Variants in OSGEP observed in about 807,000 individuals in gnomAD.
OSGEP encodes tRNA N6-adenosine threonylcarbamoyltransferase.
Under a neutral mutation model 44.1 loss-of-function variants are expected in OSGEP, and 39 were observed. The observed-to-expected ratio is 0.88, with a 90% CI of 0.69 to 1.16. The LOEUF is 1.16. OSGEP is among the 50% of genes most tolerant of loss of function. OSGEP has a pLI of 0.00. For missense variants in OSGEP, 403 were observed against 443.1 expected (o/e 0.91, Z 0.81); for synonymous variants, 139 against 161.9 (o/e 0.86, Z 1.07).
At position 20,452,416 on chromosome 14, in the gene OSGEP, G is replaced by A. The variant is rs1881127056; in HGVS notation, c.148C>T (p.Arg50Ter). 5.0e-6 allele frequency: 8 copies of A among 1,613,602 alleles called. No individual in the cohort carries two copies. Among genetic ancestry groups the A allele is most frequent in the Non-Finnish European group, 6.8e-6 (8 of 1,179,700 alleles). ...TGCAGCAGGTCTAGGATAACAGCTCGGTGATGCCTGGCTGTATCACCTGGA... is the reference window on the plus strand; with the variant it reads ...TGCAGCAGGTCTAGGATAACAGCTCAGTGATGCCTGGCTGTATCACCTGGA... ...FLPGDTARHH[R>*]AVILDLLQEA... Residue 50 changes from arginine (R) to a stop codon, truncating the protein, a stop_gained, in exon 2 of 11, where the codon CGA becomes TGA. Transcript: ENST00000206542. LOFTEE classifies it high-confidence loss of function.
chr14:20,452,234 G>C (rs1457022396), intron 2 of OSGEP, 85 bp from the exon 3 acceptor site: 1 of 1,583,754 alleles, frequency 6.3e-7, no homozygotes, highest in African/African-American at 1.3e-5. Context: ...GGTGGGGTAG[G>C]GGTAGTGATG....
intron 6 of OSGEP, 56 bp downstream of exon 6, chr14:20,448,677 G>T: frequency 1.7e-6 from 2 of 1,207,726 alleles, no homozygotes; most frequent in Non-Finnish European, 2.5e-6. Flanking sequence ...AAGTAAAACA[G>T]ATATGCTTCA....
Position 20,452,426 on chromosome 14 carries a change from G to A in OSGEP, c.138C>T (p.Ala46=). The A allele has an allele frequency of 6.2e-7, 1 of 1,613,024 alleles. No homozygotes were observed. The highest frequency in any genetic ancestry group is 1.3e-5 in the African/African-American group (1 of 75,004). ...PGTGFLPGDT[A]RHHRAVILDL... is the part of the protein sequence containing the mutation. ...CTAGGATAACAGCTCGGTGATGCCTGGCTGTATCACCTGGAAGGAATCCTA... is the reference window on the plus strand; with the variant it reads ...CTAGGATAACAGCTCGGTGATGCCTAGCTGTATCACCTGGAAGGAATCCTA... The change falls in exon 2 of 11, where the codon GCC becomes GCT. Residue 46 remains alanine, a synonymous_variant. Transcript: ENST00000206542.
Position 20,448,754 on chromosome 14 carries a change from T to C in OSGEP, c.615A>G (p.Ser205=). 2 of 1,612,884 alleles carry C rather than the reference T, an allele frequency of 1.2e-6. No homozygotes were observed. The highest frequency in any genetic ancestry group is 1.7e-6 in the Non-Finnish European group (2 of 1,178,838). Residue 205 remains serine, a synonymous_variant, in exon 6 of 11, where the codon TCA becomes TCG. Coordinates refer to ENST00000206542, the MANE Select transcript of OSGEP (RefSeq NM_017807.4). ...YTVKGMDVSF[S]GILSFIEDVA... ...TCACCTCAATGAAAGACAGGATCCC[T>C]GAGAATGAGACGTCCATCCCCTTTA...
In OSGEP at chr14:20,446,960, A is replaced by G; in HGVS notation, c.*280T>C. 1 of 384,260 alleles carries G rather than the reference A, an allele frequency of 2.6e-6. No individual in the cohort carries two copies. 23.8% of individuals were successfully genotyped at this position (384,260 alleles called of 1,614,324 possible). A position where few individuals can be genotyped will look rare whatever the true frequency, so the allele number is the denominator to read the frequency against. On this transcript the variant is annotated 3_prime_UTR_variant, in exon 11 of 11. Coordinates refer to ENST00000206542, the MANE Select transcript of OSGEP (RefSeq NM_017807.4). ...CCGTTTCTTAAAAAAAAAAAAAAAG[A>G]TACCTCATTCTTGGTTCCACAGCAG...
intron 1 of OSGEP, 108 bp from the exon 2 acceptor site, chr14:20,452,556 A>G: frequency 1.9e-6 from 2 of 1,028,906 alleles, no homozygotes; most frequent in South Asian, 3.0e-5. Context: ...GAGTCCTTTC[A>G]CTTTCCCCAA....
Position 20,454,557 on chromosome 14 carries a change from C to T in OSGEP, c.115+12G>A. On this transcript the variant is annotated intron_variant, in intron 1 of 10. Coordinates refer to ENST00000206542, the MANE Select transcript of OSGEP (RefSeq NM_017807.4). Reference sequence around the variant, plus strand: ...AGTGCGCGGAAAACTCTTAAGTCCCCTACTCACCAACCTGTGCCAGGAGGC... The same window carrying T: ...AGTGCGCGGAAAACTCTTAAGTCCCTTACTCACCAACCTGTGCCAGGAGGC... 6.3e-7 allele frequency: 1 copy of T among 1,590,986 alleles called. No homozygotes were observed. Among genetic ancestry groups the T allele is most frequent in the Non-Finnish European group, 8.6e-7 (1 of 1,158,816 alleles).
In OSGEP at chr14:20,447,958, G is replaced by C; in HGVS notation, c.739C>G (p.Arg247Gly). 1 of 1,613,956 alleles carries C rather than the reference G, an allele frequency of 6.2e-7. No homozygotes were observed. Among genetic ancestry groups the C allele is most frequent in the Non-Finnish European group, 8.5e-7 (1 of 1,179,814 alleles). ...VFAMLVEITERAMAHCGSQEA... is the reference protein window; with the variant it reads ...VFAMLVEITEGAMAHCGSQEA... Reference sequence around the variant, plus strand: ...TGGGAGCCACAATGTGCCATGGCTCGCTCTGTGATCTCTACCAGCATTGCA... The same window carrying C: ...TGGGAGCCACAATGTGCCATGGCTCCCTCTGTGATCTCTACCAGCATTGCA... Residue 247 changes from arginine (R) to glycine (G), a missense_variant, in exon 8 of 11, where the codon CGA (arginine) becomes GGA (glycine). Arg to Gly is a moderately radical substitution (Grantham distance 125). Transcript: ENST00000206542.
intron 6 of OSGEP, 94 bp from the exon 7 acceptor site, chr14:20,448,265 T>C: frequency 1.0e-6 from 1 of 970,822 alleles, no homozygotes; most frequent in South Asian, 1.3e-5. Flanking sequence ...TCATCATGTT[T>C]CACCACAATT....
At chr14:20,447,756 G>T in intron 8 of OSGEP, 66 bp from the exon 9 acceptor site, 2 of 1,354,394 alleles carry the variant, frequency 1.5e-6, no homozygotes, top group Non-Finnish European at 2.1e-6. Flanking sequence ...AGCAGAACAC[G>T]TCATGTGCAC....
At position 20,449,007 on chromosome 14, in the gene OSGEP, T is replaced by C. The variant is rs1180752823; in HGVS notation, c.514A>G (p.Asn172Asp). 1.9e-6 allele frequency: 3 copies of C among 1,613,738 alleles called. No individual in the cohort carries two copies. The highest frequency in any genetic ancestry group is 2.5e-6 in the Non-Finnish European group (3 of 1,179,768). ...ATGTTGTATCCTGGACTTGGGTCGTTAGAAATCTAGCAGAAGAAAAAAATA... is the reference window on the plus strand; with the variant it reads ...ATGTTGTATCCTGGACTTGGGTCGTCAGAAATCTAGCAGAAGAAAAAAATA... The part of the protein sequence containing the change: ...DRFARVLKIS[N>D]DPSPGYNIEQ... Residue 172 changes from asparagine (N) to aspartate (D), a missense_variant, in exon 5 of 11, where the codon AAC (asparagine) becomes GAC (aspartate). Coordinates refer to ENST00000206542, the MANE Select transcript of OSGEP (RefSeq NM_017807.4).
chr14:20,451,862 T>G, intron 3 of OSGEP, 112 bp downstream of exon 3: 1 of 1,009,448 alleles, frequency 9.9e-7, no homozygotes, highest in Non-Finnish European at 1.4e-6. Context: ...GTATTTTAGG[T>G]TCAGATAAGT....
rs1881223052 is a variant in OSGEP at position 20,454,697 on chromosome 14, AGAAAAC to A, written c.-20_-15del. 2 of 1,589,212 alleles carry A rather than the reference AGAAAAC, an allele frequency of 1.3e-6. No homozygotes were observed. Among genetic ancestry groups the A allele is most frequent in the Non-Finnish European group, 1.7e-6 (2 of 1,158,338 alleles). On this transcript the variant is annotated 5_prime_UTR_variant, in exon 1 of 11. Transcript: ENST00000206542. Reference sequence around the variant, plus strand: ...CACCGCCGGCATGGCGGAGGCTGGGAGAAAACGCCGACAGGACTCCTGGCAATGTCA... The same window carrying A: ...CACCGCCGGCATGGCGGAGGCTGGGAGCCGACAGGACTCCTGGCAATGTCA...
rs1566508356 is a variant in OSGEP, at chr14:20,448,953, T to C, written c.557+11A>G. 6.8e-6 allele frequency: 11 copies of C among 1,613,822 alleles called. No homozygotes were observed. The highest frequency in any genetic ancestry group is 9.3e-6 in the Non-Finnish European group (11 of 1,179,672). On this transcript the variant is annotated intron_variant, in intron 5 of 10. Coordinates refer to ENST00000206542, the MANE Select transcript of OSGEP (RefSeq NM_017807.4). ...CAGCAGCCAGCCTGCTTCCACCTTA[T>C]GTCCCCTTACCGCTTTGCCATCTGT...
In OSGEP at chr14:20,454,716, C is replaced by T; in HGVS notation, c.-33G>A. 6.6e-7 allele frequency: 1 copy of T among 1,513,398 alleles called. No homozygotes were observed. Among genetic ancestry groups the T allele is most frequent in the South Asian group, 1.1e-5 (1 of 88,904 alleles). 93.7% of individuals were successfully genotyped at this position (1,513,398 alleles called of 1,614,324 possible). On this transcript the variant is annotated 5_prime_UTR_variant, in exon 1 of 11. Coordinates refer to ENST00000206542, the MANE Select transcript of OSGEP (RefSeq NM_017807.4). ...GCTGGGAGAAAACGCCGACAGGACT[C>T]CTGGCAATGTCAGGAGCTGTGGAGG... is the stretch of plus-strand genomic sequence containing the variant.
chr14:20,454,529 G>A (rs1203348760), intron 1 of OSGEP, 40 bp downstream of exon 1: 2 of 1,311,454 alleles, frequency 1.5e-6, no homozygotes, highest in Non-Finnish European at 2.2e-6. Context: ...TTCTGTGCGG[G>A]GAAGTGCGCG....
Position 20,454,679 on chromosome 14 carries a change from G to C in OSGEP, c.5C>G (p.Pro2Arg). 1.2e-6 allele frequency: 2 copies of C among 1,612,336 alleles called. No individual in the cohort carries two copies. The highest frequency in any genetic ancestry group is 1.7e-6 in the Non-Finnish European group (2 of 1,178,528). The change falls in exon 1 of 11, where the codon CCG becomes CGG. Residue 2 changes from proline to arginine, a missense_variant. Pro to Arg is a moderately radical substitution (Grantham distance 103). Coordinates refer to ENST00000206542, the MANE Select transcript of OSGEP (RefSeq NM_017807.4). ...GCTGCCTTCAAAACCCAGCACCGCC[G>C]GCATGGCGGAGGCTGGGAGAAAACG... Reference protein sequence around the residue: MPAVLGFEGSAN... With the variant: MRAVLGFEGSAN...
chr14:20,448,221 T>G (rs1423722917), intron 6 of OSGEP, 50 bp from the exon 7 acceptor site: 1 of 1,511,564 alleles, frequency 6.6e-7, no homozygotes, highest in South Asian at 1.1e-5. Context: ...GGTTTTGGGA[T>G]TACACGAGAG....
Position 20,449,203 on chromosome 14 carries a change from T to G in OSGEP, c.475A>C (p.Asn159His). 6.2e-7 allele frequency: 1 copy of G among 1,613,080 alleles called. No homozygotes were observed. Among genetic ancestry groups the G allele is most frequent in the Non-Finnish European group, 8.5e-7 (1 of 1,178,992 alleles). The change falls in exon 4 of 11, where the codon AAT becomes CAT. Residue 159 changes from asparagine (N) to histidine (H), a missense_variant. Physicochemically the swap from Asn to His is moderately conservative, Grantham distance 68. Coordinates refer to ENST00000206542, the MANE Select transcript of OSGEP (RefSeq NM_017807.4). ...ACTCGAGCAAAACGATCCAGACAAT[T>G]ACCCACTGCAATATCGATGGTTTCC... ...FGETIDIAVG[N>H]CLDRFARVLK...
Sources: gnomAD v4.1 joint callset for allele counts on GRCh38, gnomAD v4.1.1 for gene constraint, MANE v1.5 for transcripts, NCBI Gene and HGNC (gene_info 2026-07-23, HGNC 2026-07-21) for gene names.